Variants in TDRD1 observed in about 807,000 individuals in gnomAD.
The protein encoded by TDRD1 is tudor domain containing 1.
TDRD1 carries 37 observed loss-of-function variants against 140.6 expected under a neutral mutation model. That is an observed-to-expected ratio of 0.26 (90% CI 0.20 to 0.35). The LOEUF is 0.35. TDRD1 is among the 10% of genes least tolerant of loss of function. The pLI, the probability that TDRD1 is intolerant of heterozygous loss-of-function variation, is 1.00. For synonymous variants in TDRD1, 506 were observed against 475.7 expected, an observed-to-expected ratio of 1.06 and a Z score of -0.83; for missense variants, 1,243 against 1,393.0, an observed-to-expected ratio of 0.89 and a Z score of 1.71.
chr10:114,217,005 C>T (rs2035853219), intron 16 of TDRD1, among the ~76,000 whole-genome samples: 2 of 152,196 alleles, frequency 1.3e-5, no homozygotes, highest in Admixed American at 1.3e-4. Flanking sequence ...TCCACTTCTG[C>T]GCTTCGCTAG....
Position 114,228,081 on chromosome 10 carries a change from C to G in TDRD1, c.3494C>G (p.Ser1165Ter). 4 of 1,606,502 alleles carry G rather than the reference C, an allele frequency of 2.5e-6. No homozygotes were observed. Among genetic ancestry groups the G allele is most frequent in the Non-Finnish European group, 3.4e-6 (4 of 1,176,510 alleles). Residue 1165 changes from serine (S) to a stop codon, truncating the protein, a stop_gained, in exon 25 of 26, where the codon TCA becomes TGA. Coordinates refer to ENST00000251864, the Ensembl canonical transcript of TDRD1. LOFTEE classifies it high-confidence loss of function. ...ATTCTTCTCTTCCTCTTAAACAATT[C>G]AACCAATCAAAATAAATTTATTGAA...
chr10:114,208,258 A>G (rs1215418175), intron 11 of TDRD1, among the ~76,000 whole-genome samples: 2 of 152,186 alleles, frequency 1.3e-5, no homozygotes, highest in Non-Finnish European at 2.9e-5. Flanking sequence ...ATGATTCTGA[A>G]GCCAACATAG....
At chr10:114,194,482 A>G (rs1370635254) in intron 3 of TDRD1, among the ~76,000 whole-genome samples, 2 of 152,036 alleles carry the variant, frequency 1.3e-5, no homozygotes, top group African/African-American at 2.4e-5. Context: ...TGTTCCCAGT[A>G]TTATTTTCAG....
intron 25 of TDRD1, among the ~76,000 whole-genome samples, chr10:114,229,392 A>G (rs531888170): frequency 9.2e-5 from 14 of 152,202 alleles, no homozygotes; most frequent in Non-Finnish European, 1.5e-4. Flanking sequence ...AGAAAGGTCA[A>G]TTGAATTATA....
At chr10:114,229,769 T>C (rs1470005270) in intron 25 of TDRD1, among the ~76,000 whole-genome samples, 1 of 151,190 alleles carries the variant, frequency 6.6e-6, no homozygotes, top group African/African-American at 2.4e-5. Flanking sequence ...TGCAATGACA[T>C]GGATTTCTGG....
At chr10:114,176,782 G>A (rs1367478215), upstream of TDRD1, among the ~76,000 whole-genome samples, 1 of 152,066 alleles carries the variant, frequency 6.6e-6, no homozygotes, top group Middle Eastern at 3.2e-3. This position sits in a 1 kb window ranked among gnomAD's most constrained non-coding sequence, Gnocchi z 4.2. Flanking sequence ...AGAAAGAAAG[G>A]AAAGGAGAGG....
chr10:114,203,206 A>C, intron 7 of TDRD1, 30 bp downstream of exon 7: 1 of 1,555,006 alleles, frequency 6.4e-7, no homozygotes, highest in Non-Finnish European at 8.9e-7. Flanking sequence ...CTCCATAGAC[A>C]CAGATCCAGA....
intron 17 of TDRD1, among the ~76,000 whole-genome samples, chr10:114,217,995 A>T (rs1037681576): frequency 6.6e-6 from 1 of 152,200 alleles, no homozygotes; most frequent in Non-Finnish European, 1.5e-5. Context: ...TGTAATTGAG[A>T]CATCTTCATT....
upstream of TDRD1, among the ~76,000 whole-genome samples, chr10:114,175,467 T>G (rs901748215): frequency 6.6e-6 from 1 of 152,254 alleles, no homozygotes; most frequent in Middle Eastern, 3.4e-3. Flanking sequence ...AATTAACTCA[T>G]GGTACATTTT....
chr10:114,225,743 G>A (rs1440454197), intron 21 of TDRD1, among the ~76,000 whole-genome samples: 4 of 151,854 alleles, frequency 2.6e-5, no homozygotes, highest in African/African-American at 4.8e-5. Context: ...TGTATTCCCA[G>A]CTACTCAAGA....
intron 8 of TDRD1, 82 bp downstream of exon 8, chr10:114,203,649 G>C: frequency 8.0e-7 from 1 of 1,244,778 alleles, no homozygotes; most frequent in Non-Finnish European, 1.1e-6. Context: ...TTTTAATGAT[G>C]CATGACAAGG....
At chr10:114,209,287 C>G (rs2035329423) in intron 11 of TDRD1, among the ~76,000 whole-genome samples, 1 of 152,156 alleles carries the variant, frequency 6.6e-6, no homozygotes, top group South Asian at 2.1e-4. Context: ...ATGGAACTAT[C>G]CAGATCTCCC....
At chr10:114,223,188 T>C (rs1180704875) in intron 21 of TDRD1, among the ~76,000 whole-genome samples, 1 of 152,198 alleles carries the variant, frequency 6.6e-6, no homozygotes, top group Non-Finnish European at 1.5e-5. Context: ...CAAGGTTAAG[T>C]GGGAGTGGAG....
rs2036557581 is a variant in TDRD1, at chr10:114,228,291, G to A, written c.3538+166G>A. 8 of 1,395,732 alleles carry A rather than the reference G, an allele frequency of 5.7e-6. No individual in the cohort carries two copies. In the East Asian group the frequency reaches 8.0e-5, roughly 14 times the overall value. The allele number at this position is 1,395,732 out of a possible 1,614,324, so 86.5% of individuals were successfully genotyped here. A position where few individuals can be genotyped will look rare whatever the true frequency, so the allele number is the denominator to read the frequency against. Reference sequence around the variant, plus strand: ...TCATAATGCTTCTGCTGTTTTTGTAGGTTTATCTGATCGTTTTCCTTTGCT... The same window carrying A: ...TCATAATGCTTCTGCTGTTTTTGTAAGTTTATCTGATCGTTTTCCTTTGCT... On this transcript the variant is annotated intron_variant, in intron 25 of 25. Coordinates refer to ENST00000251864, the Ensembl canonical transcript of TDRD1.
chr10:114,223,383 C>T (rs955259379), intron 21 of TDRD1, among the ~76,000 whole-genome samples: 2 of 152,220 alleles, frequency 1.3e-5, no homozygotes, highest in African/African-American at 4.8e-5. Flanking sequence ...GAAAGTCTGC[C>T]ACTGGGGCAC....
rs1011858217 is a variant in TDRD1, at chr10:114,180,618, C to G, written c.-7+1202C>G. 2.0e-5 allele frequency among the ~76,000 whole-genome samples: 3 copies of G among 152,068 alleles called. No individual in the cohort carries two copies. The East Asian group carries it at 5.8e-4, about 29-fold the overall frequency. ...GTAGCTGGGATTACAGGCCAGCCAC[C>G]GGCGCCCTGCTAATTTTTGTATTTT... On this transcript the variant is annotated intron_variant, in intron 1 of 25. Transcript: ENST00000251864.
intron 1 of TDRD1, among the ~76,000 whole-genome samples, chr10:114,185,455 G>A (rs1356103754): frequency 2.6e-5 from 4 of 151,944 alleles, no homozygotes; most frequent in African/African-American, 7.3e-5. Context: ...CTCCCAAAAT[G>A]CTTGGATTAC....
intron 7 of TDRD1, 32 bp from the exon 8 acceptor site, chr10:114,203,356 G>A: frequency 6.4e-7 from 1 of 1,555,148 alleles, no homozygotes. Flanking sequence ...TGTGCCTTAT[G>A]AATTATTCCT....
At chr10:114,211,536 C>T (rs2035485631) in intron 13 of TDRD1, among the ~76,000 whole-genome samples, 1 of 152,154 alleles carries the variant, frequency 6.6e-6, no homozygotes, top group Non-Finnish European at 1.5e-5. Flanking sequence ...TAAAACTAGT[C>T]TTGCTATTGA....
Sources: gnomAD v4.1 joint callset for allele counts (sites outside exome capture counted in the v4.1 genomes callset) on GRCh38, gnomAD v4.1.1 for gene constraint, Gnocchi (gnomAD v3.1) non-coding constraint, MANE v1.5 for transcripts, NCBI Gene and HGNC (gene_info 2026-07-23, HGNC 2026-07-21) for gene names.